MAPK10: variants seen among roughly 807,000 people sequenced by gnomAD.
MAPK10 encodes the protein JNK3 alpha protein kinase.
In MAPK10, 25 loss-of-function variants were observed where a neutral mutation model predicts 59.3. The ratio of observed to expected loss-of-function variants is 0.42; its 90% CI spans 0.31 to 0.59. The LOEUF (loss-of-function observed/expected upper bound fraction) is 0.59, where lower values mean the gene tolerates loss of function less well. MAPK10 is among the 20% of genes least tolerant of loss of function. The pLI is 0.15. For synonymous variants in MAPK10, 190 were observed against 200.5 expected, an observed-to-expected ratio of 0.95 and a Z score of 0.44; for missense variants, 351 against 568.9, an observed-to-expected ratio of 0.62 and a Z score of 3.90.
In MAPK10 at chr4:86,101,344, A is replaced by G. The variant is rs1016914444; in HGVS notation, c.565-127T>C. The G allele has an allele frequency of 1.0e-5, 6 of 581,366 alleles. No homozygotes were observed. The East Asian group carries it at 1.7e-4, about 16-fold the overall frequency. 36.0% of individuals were successfully genotyped at this position (581,366 alleles called of 1,614,324 possible). A position where few individuals can be genotyped will look rare whatever the true frequency, so the allele number is the denominator to read the frequency against. Reference sequence around the variant, plus strand: ...GTCCCCCTTGCCTACAGAGCTCTAAATAAGGCAAATGATTACTGCTACAAA... The same window carrying G: ...GTCCCCCTTGCCTACAGAGCTCTAAGTAAGGCAAATGATTACTGCTACAAA... On this transcript the variant is annotated intron_variant, in intron 7 of 13. Coordinates refer to ENST00000641462, the MANE Select transcript of MAPK10 (RefSeq NM_138982.4).
chr4:86,468,134 G>A (rs1236277261), intron 1 of MAPK10, among the ~76,000 whole-genome samples: 7 of 152,204 alleles, frequency 4.6e-5, no homozygotes, highest in Non-Finnish European at 1.0e-4. Flanking sequence ...CCTGAGAATA[G>A]GCTGGCTCCA....
At chr4:86,283,197 C>G (rs961902840) in intron 2 of MAPK10, among the ~76,000 whole-genome samples, 1 of 152,124 alleles carries the variant, frequency 6.6e-6, no homozygotes, top group Non-Finnish European at 1.5e-5. Flanking sequence ...AAGCTAATTA[C>G]CCTCTCTCTG....
chr4:86,461,220 C>T (rs1751708797), intron 1 of MAPK10, among the ~76,000 whole-genome samples: 1 of 151,622 alleles, frequency 6.6e-6, no homozygotes, highest in South Asian at 2.1e-4. Context: ...TCCTGAGAAA[C>T]TGTGCCCAAG....
At chr4:86,364,433 G>C (rs2148987624), upstream of MAPK10, among the ~76,000 whole-genome samples, 1 of 152,182 alleles carries the variant, frequency 6.6e-6, no homozygotes, top group African/African-American at 2.4e-5. Context: ...CAGGTCCATT[G>C]AAACTCTTTT....
Position 86,159,449 on chromosome 4 carries a change from C to A in MAPK10, c.85G>T (p.Asp29Tyr). The A allele has an allele frequency of 1.9e-6, 3 of 1,609,432 alleles. No individual in the cohort carries two copies. The highest frequency in any genetic ancestry group is 2.5e-6 in the Non-Finnish European group (3 of 1,177,632). Residue 29 changes from aspartate to tyrosine, a missense_variant, in exon 4 of 14, where the codon GAT becomes TAT. Asp to Tyr is a radical substitution (Grantham distance 160). This residue lies in a region of MAPK10 where 61 missense variants were observed against 58.4 expected (regional missense o/e 1.05). Coordinates refer to ENST00000641462, the MANE Select transcript of MAPK10 (RefSeq NM_138982.4). ...TAATGTTTGGCAATATATGACACAT[C>A]CACTTGTTTATCGAATCCCTGTCAA... ...AFCQGFDKQV[D>Y]VSYIAKHYNM...
chr4:86,076,868 C>T (rs1412895744), intron 9 of MAPK10, among the ~76,000 whole-genome samples: 1 of 151,942 alleles, frequency 6.6e-6, no homozygotes, highest in Non-Finnish European at 1.5e-5. Context: ...TTTAGAATAC[C>T]CATAAATTAC....
chr4:86,479,447 T>C (rs572316360), intron 1 of MAPK10, among the ~76,000 whole-genome samples: 47 of 148,816 alleles, frequency 3.2e-4, no homozygotes, highest in African/African-American at 1.0e-3. Flanking sequence ...TTCCAGACAC[T>C]AGACCAACTT....
intron 1 of MAPK10, among the ~76,000 whole-genome samples, chr4:86,380,642 A>G (rs1740554631): frequency 6.6e-6 from 1 of 152,146 alleles, no homozygotes; most frequent in Admixed American, 6.5e-5. Context: ...AATCTCACAG[A>G]GTCCAGTGTA....
At position 86,256,740 on chromosome 4, in the gene MAPK10, T is replaced by TC. The variant is rs1563673693; in HGVS notation, c.-6-62334_-6-62333insG. On this transcript the variant is annotated intron_variant, in intron 2 of 13. Coordinates refer to ENST00000641462, the MANE Select transcript of MAPK10 (RefSeq NM_138982.4). The stretch of plus-strand genomic sequence containing the variant: ...TTTTTTCTTTTCTTTCTTTCTTTTT[T>TC]TTTTTTTTTTTTTTTTTTGAGACAG... Among the ~76,000 whole-genome samples, 62 of 134,156 alleles carry TC rather than the reference T, an allele frequency of 4.6e-4. 1 individual carries two copies. Among genetic ancestry groups the TC allele is most frequent in the African/African-American group, 1.2e-3 (42 of 35,222 alleles). The allele number at this position is 134,156 out of a possible 152,430, so 88.0% of individuals were successfully genotyped here. A position where few individuals can be genotyped will look rare whatever the true frequency, so the allele number is the denominator to read the frequency against.
intron 1 of MAPK10, among the ~76,000 whole-genome samples, chr4:86,569,801 G>T (rs1210072281): frequency 1.3e-5 from 2 of 151,992 alleles, no homozygotes; most frequent in African/African-American, 2.4e-5. Context: ...AATTCCAAAA[G>T]GTAGGTGGGT....
chr4:86,453,732 C>A (rs1045760816), upstream of MAPK10, among the ~76,000 whole-genome samples: 1 of 152,030 alleles, frequency 6.6e-6, no homozygotes, highest in Non-Finnish European at 1.5e-5. Context: ...AAGGCCCTAC[C>A]CACTGCCTGT....
chr4:86,314,608 C>T (rs1001000134), intron 2 of MAPK10, among the ~76,000 whole-genome samples: 1 of 152,064 alleles, frequency 6.6e-6, no homozygotes, highest in African/African-American at 2.4e-5. Flanking sequence ...TGAAAATGGA[C>T]CAACCCGATA....
intron 1 of MAPK10, among the ~76,000 whole-genome samples, chr4:86,356,198 G>A (rs1734394013): frequency 6.6e-6 from 1 of 152,116 alleles, no homozygotes; most frequent in South Asian, 2.1e-4. Context: ...AGCAGCTGTG[G>A]TTAGGGATGC....
chr4:86,285,553 G>A (rs911999936), intron 2 of MAPK10, among the ~76,000 whole-genome samples: 7 of 151,962 alleles, frequency 4.6e-5, no homozygotes, highest in African/African-American at 1.2e-4. Context: ...AGTTCTTTAC[G>A]TACAACTCAG....
intron 1 of MAPK10, among the ~76,000 whole-genome samples, chr4:86,535,030 G>C (rs1237714827): frequency 6.6e-6 from 1 of 152,168 alleles, no homozygotes; most frequent in African/African-American, 2.4e-5. Context: ...CCTGCTGATG[G>C]AAGAGGTCAC....
upstream of MAPK10, among the ~76,000 whole-genome samples, chr4:86,363,815 C>T (rs1737387057): frequency 6.6e-6 from 1 of 152,098 alleles, no homozygotes; most frequent in African/African-American, 2.4e-5. Flanking sequence ...CAGGGTCTCA[C>T]TCTGTTGCCC....
intron 1 of MAPK10, among the ~76,000 whole-genome samples, chr4:86,484,463 G>A (rs1214195496): frequency 2.0e-5 from 3 of 152,108 alleles, no homozygotes; most frequent in African/African-American, 7.2e-5. Context: ...AGGTGTTATG[G>A]AGGCCAACTG....
At chr4:86,388,041 T>C (rs1207618372) in intron 1 of MAPK10, among the ~76,000 whole-genome samples, 1 of 150,548 alleles carries the variant, frequency 6.6e-6, no homozygotes, top group East Asian at 1.9e-4. Flanking sequence ...ATAAAAGTAC[T>C]AAACAAATGG....
intron 2 of MAPK10, among the ~76,000 whole-genome samples, chr4:86,195,394 A>G (rs892519378): frequency 6.6e-6 from 1 of 150,774 alleles, no homozygotes; most frequent in Admixed American, 6.6e-5. Flanking sequence ...TTAACATAAA[A>G]TACACAAAAC....
Sources: allele counts gnomAD v4.1 joint callset (sites outside exome capture counted in the v4.1 genomes callset), GRCh38; gene constraint gnomAD v4.1.1; regional missense constraint gnomAD v4.1.1; transcripts MANE v1.5; gene names NCBI Gene and HGNC (gene_info 2026-07-23, HGNC 2026-07-21).